ARL15: variants seen among roughly 807,000 people sequenced by gnomAD.
The protein encoded by ARL15 is ADP-ribosylation factor-like protein 15.
In ARL15, 19 loss-of-function variants were observed where a neutral mutation model predicts 25.2. The observed-to-expected ratio is 0.75, with a 90% confidence interval of 0.53 to 1.10. The LOEUF is 1.10. Among genes scored for constraint, ARL15 ranks in the 50% least tolerant of loss-of-function variants. ARL15 has a pLI of 0.00. For missense variants in ARL15, 220 were observed against 246.0 expected (o/e 0.89, Z 0.71); for synonymous variants, 94 against 86.8 (o/e 1.08, Z -0.46).
At chr5:54,058,145 A>C (rs1750945683) in intron 4 of ARL15, among the ~76,000 whole-genome samples, 1 of 151,884 alleles carries the variant, frequency 6.6e-6, no homozygotes, top group Non-Finnish European at 1.5e-5. Flanking sequence ...AGCTGGGATT[A>C]TAGGAGCCTG....
chr5:54,137,130 CACATTAAA>C (rs1415003360), intron 3 of ARL15, among the ~76,000 whole-genome samples: 1 of 151,508 alleles, frequency 6.6e-6, no homozygotes, highest in Non-Finnish European at 1.5e-5. Context: ...CCACTCATTG[CACATTAAA>C]AACAAGGATG....
intron 4 of ARL15, among the ~76,000 whole-genome samples, chr5:53,906,979 T>C (rs1745266511): frequency 1.3e-5 from 2 of 152,162 alleles, no homozygotes; most frequent in Non-Finnish European, 1.5e-5. Flanking sequence ...TGTGAATTTA[T>C]AGTTTTTTCA....
chr5:53,927,000 C>T (rs1171042174), intron 4 of ARL15, among the ~76,000 whole-genome samples: 2 of 151,284 alleles, frequency 1.3e-5, no homozygotes, highest in Admixed American at 6.6e-5. Flanking sequence ...TATCTTCCTC[C>T]GTTTTAATTT....
At chr5:54,112,578 G>A (rs1407444268) in intron 4 of ARL15, among the ~76,000 whole-genome samples, 1 of 152,160 alleles carries the variant, frequency 6.6e-6, no homozygotes, top group Non-Finnish European at 1.5e-5. Context: ...CATTACTGCA[G>A]TACCATGAAT....
chr5:54,246,852 C>T (rs1159058044), intron 1 of ARL15, among the ~76,000 whole-genome samples: 1 of 137,170 alleles, frequency 7.3e-6, no homozygotes, highest in East Asian at 2.3e-4. Context: ...ACACAGAGTA[C>T]ATAAAACATA....
At chr5:54,054,691 G>T (rs1217568385) in intron 4 of ARL15, among the ~76,000 whole-genome samples, 4 of 152,292 alleles carry the variant, frequency 2.6e-5, no homozygotes, top group Admixed American at 2.6e-4. Context: ...TTGGGAAGCT[G>T]AGGCAGGAGG....
intron 2 of ARL15, among the ~76,000 whole-genome samples, chr5:54,155,794 C>G (rs1425943633): frequency 1.3e-5 from 2 of 151,972 alleles, no homozygotes; most frequent in Non-Finnish European, 2.9e-5. Flanking sequence ...AACTGGGAAT[C>G]TGGAAATTTT....
chr5:53,947,966 T>A (rs762041980), intron 4 of ARL15, among the ~76,000 whole-genome samples: 20 of 151,402 alleles, frequency 1.3e-4, no homozygotes, highest in Non-Finnish European at 2.1e-4. Context: ...CACTACAAGA[T>A]TAAAGAAAAT....
At chr5:54,033,658 C>A (rs540152596) in intron 4 of ARL15, among the ~76,000 whole-genome samples, 11 of 143,060 alleles carry the variant, frequency 7.7e-5, no homozygotes, top group African/African-American at 2.1e-4. Flanking sequence ...GGCAACAGAG[C>A]GAGAATTCCA....
At chr5:54,116,947 A>C (rs1752917696) in intron 3 of ARL15, among the ~76,000 whole-genome samples, 1 of 152,206 alleles carries the variant, frequency 6.6e-6, no homozygotes, top group African/African-American at 2.4e-5. Flanking sequence ...ATTGGAACAA[A>C]AGGTAAGTTA....
At chr5:54,212,215 A>C (rs778998973) in intron 1 of ARL15, among the ~76,000 whole-genome samples, 3 of 152,246 alleles carry the variant, frequency 2.0e-5, no homozygotes, top group Non-Finnish European at 4.4e-5. Context: ...ATAATTTGCC[A>C]ACCAATGGTT....
chr5:54,240,098 G>A (rs1756919094), intron 1 of ARL15, among the ~76,000 whole-genome samples: 3 of 151,832 alleles, frequency 2.0e-5, no homozygotes, highest in African/African-American at 7.3e-5. Context: ...GTGGTGGCGG[G>A]CACCTGTAGT....
At chr5:54,062,434 G>A (rs1287952446) in intron 4 of ARL15, among the ~76,000 whole-genome samples, 2 of 151,796 alleles carry the variant, frequency 1.3e-5, no homozygotes, top group Admixed American at 6.6e-5. Context: ...AGACCCGGTG[G>A]GAGGCGATTG....
chr5:53,947,614 C>T (rs1746793046), intron 4 of ARL15, among the ~76,000 whole-genome samples: 1 of 152,120 alleles, frequency 6.6e-6, no homozygotes, highest in Non-Finnish European at 1.5e-5. Flanking sequence ...CAGCACGCAG[C>T]CCAGCTCAAC....
chr5:54,040,532 G>C (rs1490881447), intron 4 of ARL15, among the ~76,000 whole-genome samples: 3 of 152,100 alleles, frequency 2.0e-5, no homozygotes, highest in Non-Finnish European at 2.9e-5. Flanking sequence ...TTCCCACAAA[G>C]TATGAAAAAG....
chr5:54,239,230 CAT>C (rs1491295723), intron 1 of ARL15, among the ~76,000 whole-genome samples: 1 of 85,070 alleles, frequency 1.2e-5, no homozygotes, highest in Non-Finnish European at 3.0e-5. Context: ...TTATGAATGC[CAT>C]TTTTTTTTTT....
chr5:53,992,839 G>A (rs905117640), intron 4 of ARL15, among the ~76,000 whole-genome samples: 16 of 118,624 alleles, frequency 1.3e-4, no homozygotes, highest in African/African-American at 5.0e-4. Flanking sequence ...GGTGGGTCGG[G>A]AGTTTGAGAC....
intron 4 of ARL15, among the ~76,000 whole-genome samples, chr5:53,932,859 G>A (rs1432604583): frequency 1.3e-5 from 2 of 152,146 alleles, no homozygotes; most frequent in African/African-American, 2.4e-5. Context: ...AGGAATTACA[G>A]GGGAAAATGT....
At chr5:54,214,593 TAAGCCGCATTACACGA>T (rs1230569548) in intron 1 of ARL15, among the ~76,000 whole-genome samples, 1 of 152,158 alleles carries the variant, frequency 6.6e-6, no homozygotes, top group Non-Finnish European at 1.5e-5. Flanking sequence ...CCCTCACTAC[TAAGCCGCATTACACGA>T]AAATGTGTGA....
Sources: allele counts gnomAD v4.1 joint callset (sites outside exome capture counted in the v4.1 genomes callset), GRCh38; gene constraint gnomAD v4.1.1; transcripts MANE v1.5; gene names NCBI Gene and HGNC (gene_info 2026-07-23, HGNC 2026-07-21).